Variants in PARD3B observed in about 807,000 individuals in gnomAD.
The protein encoded by PARD3B is par-3 family cell polarity regulator beta, also known as partitioning defective 3 homolog B.
A neutral mutation model predicts 130.2 loss-of-function variants in PARD3B; 103 were observed. The ratio of observed to expected loss-of-function variants is 0.79; its 90% CI spans 0.67 to 0.93. The LOEUF (loss-of-function observed/expected upper bound fraction) is 0.93. PARD3B is among the 40% of genes least tolerant of loss of function. The pLI is 0.00. For missense variants in PARD3B, 1,609 were observed against 1,499.2 expected, an observed-to-expected ratio of 1.07 and a Z score of -1.21; for synonymous variants, 583 against 553.2, an observed-to-expected ratio of 1.05 and a Z score of -0.76.
intron 2 of PARD3B, among the ~76,000 whole-genome samples, chr2:204,777,765 G>A (rs968734871): frequency 1.3e-5 from 2 of 152,234 alleles, no homozygotes; most frequent in South Asian, 2.1e-4. Context: ...GAGCCACTGT[G>A]ATATGCTTTG....
At chr2:205,346,504 G>A (rs1242282270) in intron 18 of PARD3B, among the ~76,000 whole-genome samples, 2 of 152,120 alleles carry the variant, frequency 1.3e-5, no homozygotes, top group Non-Finnish European at 2.9e-5. Context: ...TTCCAAGAGG[G>A]CTTCATGCTT....
intron 10 of PARD3B, among the ~76,000 whole-genome samples, chr2:205,126,194 T>A (rs1218982556): frequency 1.3e-5 from 2 of 152,162 alleles, no homozygotes; most frequent in Non-Finnish European, 2.9e-5. Flanking sequence ...AACAAGGGTA[T>A]TTAACCTATT....
chr2:205,379,310 G>C (rs1488041478), intron 18 of PARD3B, among the ~76,000 whole-genome samples: 1 of 152,102 alleles, frequency 6.6e-6, no homozygotes, highest in Non-Finnish European at 1.5e-5. Context: ...TTGACAGGCA[G>C]ACAGGTCCCT....
At chr2:205,271,151 A>G (rs1053991320) in intron 16 of PARD3B, among the ~76,000 whole-genome samples, 2 of 152,180 alleles carry the variant, frequency 1.3e-5, no homozygotes, top group African/African-American at 2.4e-5. Context: ...GAGAATTTCT[A>G]TATATCCAAA....
chr2:205,357,430 T>G (rs879468509), intron 18 of PARD3B, among the ~76,000 whole-genome samples: 1 of 152,172 alleles, frequency 6.6e-6, no homozygotes, highest in Non-Finnish European at 1.5e-5. Flanking sequence ...GAACCCAAAG[T>G]CTATGCGTTA....
At chr2:205,285,297 ATTG>A (rs374041647) in intron 16 of PARD3B, among the ~76,000 whole-genome samples, 4 of 151,944 alleles carry the variant, frequency 2.6e-5, no homozygotes, top group Non-Finnish European at 5.9e-5. Context: ...TATTATTATT[ATTG>A]TTGTTGTTGT....
rs1377428928 is a variant in PARD3B, at chr2:204,883,455, A to ATATATATATATTTTTT, written c.223-81696_223-81695insATATATATATTTTTTT. Among the ~76,000 whole-genome samples, 205 of 77,178 alleles carry ATATATATATATTTTTT rather than the reference A, an allele frequency of 2.7e-3. 1 individual carries two copies. Among genetic ancestry groups the ATATATATATATTTTTT allele is most frequent in the African/African-American group, 0.011 (196 of 18,002 alleles). 50.6% of individuals were successfully genotyped at this position (77,178 alleles called of 152,430 possible). On this transcript the variant is annotated intron_variant, in intron 2 of 22. Coordinates refer to ENST00000406610, the MANE Select transcript of PARD3B (RefSeq NM_001302769.2). ...ATAAAATATATATATATATATATAT[A>ATATATATATATTTTTT]TTTTTTTTTTTGAGACAGAGTCTCA...
chr2:205,216,043 TGTA>T (rs1349995956), intron 15 of PARD3B, among the ~76,000 whole-genome samples: 2 of 152,264 alleles, frequency 1.3e-5, no homozygotes, highest in East Asian at 1.9e-4. Context: ...TCATGTACGA[TGTA>T]GTAACATTTC....
In PARD3B at chr2:204,890,501, G is replaced by A. The variant is rs936542882; in HGVS notation, c.223-74651G>A. On this transcript the variant is annotated intron_variant, in intron 2 of 22. Transcript: ENST00000406610. This position sits in a 1 kb window ranked among gnomAD's most constrained non-coding sequence, Gnocchi z 4.9. ...CATTGAATATATATTAAATTTATTG[G>A]GTAATTATTTAAAGGAACAGTATGT... Among the ~76,000 whole-genome samples, 1 of 152,020 alleles carries A rather than the reference G, an allele frequency of 6.6e-6. No individual in the cohort carries two copies. Among genetic ancestry groups the A allele is most frequent in the East Asian group, 1.9e-4 (1 of 5,190 alleles).
intron 4 of PARD3B, among the ~76,000 whole-genome samples, chr2:205,089,611 A>G (rs1418728836): frequency 6.6e-6 from 1 of 152,126 alleles, no homozygotes; most frequent in East Asian, 1.9e-4. Context: ...TACACCAACT[A>G]CCAAACAACC....
intron 18 of PARD3B, among the ~76,000 whole-genome samples, chr2:205,330,508 TA>T: frequency 6.6e-6 from 1 of 152,360 alleles, no homozygotes; most frequent in Non-Finnish European, 1.5e-5. Context: ...CTGAGGCAAC[TA>T]TAGACCTGAC....
intron 13 of PARD3B, among the ~76,000 whole-genome samples, chr2:205,182,866 A>G (rs180804290): frequency 1.6e-3 from 238 of 152,260 alleles, no homozygotes; most frequent in Middle Eastern, 3.4e-3. Context: ...GGGGAAAGGA[A>G]GAGAGAGTGA....
rs555156555 is a variant in PARD3B at position 205,011,823 on chromosome 2, A to T, written c.395-35758A>T. On this transcript the variant is annotated intron_variant, in intron 3 of 22. Transcript: ENST00000406610. The surrounding 1 kb of genome is among the most constrained non-coding windows in gnomAD (Gnocchi z 4.1). ...TTTTTTTTTTACAACCATGCATCAC[A>T]CTCAGCCTCTGCAGTTATGCCTGGC... Among the ~76,000 whole-genome samples the T allele has an allele frequency of 6.6e-6, 1 of 151,104 alleles. No individual in the cohort carries two copies. Among genetic ancestry groups the T allele is most frequent in the South Asian group, 2.1e-4 (1 of 4,768 alleles).
chr2:205,560,979 G>A (rs1377999259), intron 22 of PARD3B, among the ~76,000 whole-genome samples: 1 of 152,154 alleles, frequency 6.6e-6, no homozygotes, highest in Non-Finnish European at 1.5e-5. Flanking sequence ...TGTTTCAGTT[G>A]GTTCATTTTA....
At chr2:204,983,279 G>A (rs1692836024) in intron 3 of PARD3B, among the ~76,000 whole-genome samples, 2 of 152,008 alleles carry the variant, frequency 1.3e-5, no homozygotes, top group African/African-American at 4.8e-5. Flanking sequence ...TAAGCCTTGA[G>A]TAAATATAGT....
intron 1 of PARD3B, among the ~76,000 whole-genome samples, chr2:204,580,318 C>A (rs186067811): frequency 6.6e-6 from 1 of 151,970 alleles, no homozygotes; most frequent in East Asian, 1.9e-4. Flanking sequence ...GTTTTTTTTC[C>A]CTCTTATCCA....
At chr2:205,203,301 C>T (rs1325876138) in intron 15 of PARD3B, among the ~76,000 whole-genome samples, 2 of 151,862 alleles carry the variant, frequency 1.3e-5, no homozygotes, top group Non-Finnish European at 2.9e-5. Context: ...CTGGGCTCCT[C>T]TTAAAACTTG....
intron 3 of PARD3B, among the ~76,000 whole-genome samples, chr2:205,003,164 C>G (rs1015936517): frequency 1.3e-5 from 2 of 152,220 alleles, no homozygotes; most frequent in Non-Finnish European, 2.9e-5. Context: ...TGTGCTGTGC[C>G]ATTTCGACAT....
At chr2:205,311,759 G>A (rs1211778022) in intron 18 of PARD3B, among the ~76,000 whole-genome samples, 1 of 152,166 alleles carries the variant, frequency 6.6e-6, no homozygotes, top group Non-Finnish European at 1.5e-5. Context: ...ATGTAACCAT[G>A]AACTGTTTTC....
Sources: gnomAD v4.1 joint callset for allele counts (sites outside exome capture counted in the v4.1 genomes callset) on GRCh38, gnomAD v4.1.1 for gene constraint, Gnocchi (gnomAD v3.1) non-coding constraint, MANE v1.5 for transcripts, NCBI Gene and HGNC (gene_info 2026-07-23, HGNC 2026-07-21) for gene names.